Variants in TRPM3 observed in about 807,000 individuals in gnomAD.
TRPM3 encodes the protein transient receptor potential cation channel subfamily M member 3, also known as long transient receptor potential channel 3.
A neutral mutation model predicts 181.2 loss-of-function variants in TRPM3; 77 were observed. The ratio of observed to expected loss-of-function variants is 0.42; its 90% CI spans 0.35 to 0.51. TRPM3 has a LOEUF of 0.51. TRPM3 is among the 20% of genes least tolerant of loss of function. TRPM3 has a pLI of 0.01. For missense variants in TRPM3, 1,759 were observed against 2,196.7 expected, an observed-to-expected ratio of 0.80 and a Z score of 3.98; for synonymous variants, 745 against 796.4, an observed-to-expected ratio of 0.94 and a Z score of 1.09.
intron 1 of TRPM3, among the ~76,000 whole-genome samples, chr9:70,911,948 G>T (rs1341547544): frequency 2.6e-5 from 4 of 152,152 alleles, no homozygotes; most frequent in Non-Finnish European, 5.9e-5. Flanking sequence ...GGCTGGACTT[G>T]ACCTGGATAA....
At chr9:71,057,117 A>AC (rs774043755) in intron 1 of TRPM3, among the ~76,000 whole-genome samples, 1 of 151,656 alleles carries the variant, frequency 6.6e-6, no homozygotes, top group Non-Finnish European at 1.5e-5. Context: ...TCTGCTCATG[A>AC]CCCCCTCGAC....
rs150881495 is a variant in TRPM3 at position 70,890,184 on chromosome 9, T to C, written c.178-25673A>G. On this transcript the variant is annotated intron_variant, in intron 1 of 25. Transcript: ENST00000677713. ...CCCAAGCATGGAAGAAGAGAGACTA[T>C]AACACAGGACATTTTTAAAACAAGA... Among the ~76,000 whole-genome samples, 7 of 151,016 alleles carry C rather than the reference T, an allele frequency of 4.6e-5. No individual in the cohort carries two copies. In the East Asian group the frequency reaches 1.4e-3, roughly 29 times the overall value.
intron 1 of TRPM3, among the ~76,000 whole-genome samples, chr9:71,337,471 G>A (rs2090641066): frequency 6.6e-6 from 1 of 152,174 alleles, no homozygotes; most frequent in Non-Finnish European, 1.5e-5. Context: ...CTTTTACACT[G>A]TTGGTGGGAG....
At position 71,429,138 on chromosome 9, in the gene TRPM3, C is replaced by A. The variant is rs554015085; in HGVS notation, c.183+17515G>T. Among the ~76,000 whole-genome samples, 11 of 152,282 alleles carry A rather than the reference C, an allele frequency of 7.2e-5. No individual in the cohort carries two copies. In the South Asian group the frequency reaches 1.9e-3, roughly 26 times the overall value. ...TGGATCTTCACTGTTCTCCTTAACT[C>A]ATTTCTCCCAACTACCTTTCATATT... On this transcript the variant is annotated intron_variant, in intron 1 of 24. Transcript: ENST00000357533.
chr9:70,977,672 G>A (rs1437492531), intron 1 of TRPM3, among the ~76,000 whole-genome samples: 1 of 152,200 alleles, frequency 6.6e-6, no homozygotes, highest in Non-Finnish European at 1.5e-5. Context: ...GTGACCAGCT[G>A]TAAAGTTGGG....
intron 1 of TRPM3, among the ~76,000 whole-genome samples, chr9:71,408,778 G>A (rs1023652076): frequency 6.6e-5 from 10 of 152,068 alleles, no homozygotes; most frequent in African/African-American, 1.7e-4. Context: ...TCCTCGAGGA[G>A]AGCAACCCCA....
intron 1 of TRPM3, among the ~76,000 whole-genome samples, chr9:71,327,425 G>A (rs1387903662): frequency 6.6e-6 from 1 of 152,140 alleles, no homozygotes; most frequent in Non-Finnish European, 1.5e-5. Flanking sequence ...CCCTTCAGAA[G>A]AGAGGTGGTG....
At chr9:71,127,936 TAGA>T (rs1250103278) in intron 1 of TRPM3, among the ~76,000 whole-genome samples, 1 of 152,206 alleles carries the variant, frequency 6.6e-6, no homozygotes, top group African/African-American at 2.4e-5. Flanking sequence ...GCAGAAACCT[TAGA>T]AGAAGTTCCC....
chr9:71,014,123 T>C (rs1236549979), intron 1 of TRPM3, among the ~76,000 whole-genome samples: 1 of 152,046 alleles, frequency 6.6e-6, no homozygotes, highest in Non-Finnish European at 1.5e-5. Context: ...ATAGTGTTTT[T>C]AACATCATTA....
chr9:70,906,733 T>C (rs561436446), intron 1 of TRPM3, among the ~76,000 whole-genome samples: 67 of 152,214 alleles, frequency 4.4e-4, no homozygotes, highest in African/African-American at 1.5e-3. Flanking sequence ...TGAAACCCAC[T>C]ATCTACTAAA....
At position 71,217,720 on chromosome 9, in the gene TRPM3, G is replaced by A. The variant is rs533365372; in HGVS notation, c.183+228933C>T. Among the ~76,000 whole-genome samples, 8 of 152,278 alleles carry A rather than the reference G, an allele frequency of 5.3e-5. No individual in the cohort carries two copies. The South Asian group carries it at 1.7e-3, about 32-fold the overall frequency. ...CTCTGAGACAGACCATTCTGCTCTGGGGAAAGTGAGGTAATCCACCGGGGA... is the reference window on the plus strand; with the variant it reads ...CTCTGAGACAGACCATTCTGCTCTGAGGAAAGTGAGGTAATCCACCGGGGA... On this transcript the variant is annotated intron_variant, in intron 1 of 24. Transcript: ENST00000357533.
chr9:71,315,978 C>A (rs1158598163), intron 1 of TRPM3, among the ~76,000 whole-genome samples: 1 of 152,142 alleles, frequency 6.6e-6, no homozygotes, highest in Non-Finnish European at 1.5e-5. Flanking sequence ...GCAAGAAACT[C>A]TGGATTTAGA....
intron 22 of TRPM3, 36 bp from the exon 23 acceptor site, chr9:70,553,346 G>T: frequency 6.2e-7 from 1 of 1,602,210 alleles, no homozygotes; most frequent in Non-Finnish European, 8.5e-7. Context: ...ATGAGAAACT[G>T]GCTATTTGAG....
intron 1 of TRPM3, among the ~76,000 whole-genome samples, chr9:71,032,064 ATATTATATT>A (rs2057504747): frequency 3.1e-4 from 3 of 9,764 alleles, no homozygotes; most frequent in African/African-American, 2.1e-3. Context: ...TATATTATAT[ATATTATATT>A]ATATTATATA....
chr9:71,141,226 G>C (rs542968283), intron 1 of TRPM3, among the ~76,000 whole-genome samples: 48 of 152,196 alleles, frequency 3.2e-4, no homozygotes, highest in African/African-American at 1.0e-3. Context: ...CTAAGACTGC[G>C]TAACTTAATT....
At chr9:70,796,935 C>A (rs1246789601) in intron 6 of TRPM3, among the ~76,000 whole-genome samples, 1 of 151,762 alleles carries the variant, frequency 6.6e-6, no homozygotes, top group African/African-American at 2.4e-5. Flanking sequence ...TCAAGACCAG[C>A]CTGGAAAACA....
intron 1 of TRPM3, among the ~76,000 whole-genome samples, chr9:70,997,216 T>C (rs2097548340): frequency 6.6e-6 from 1 of 152,230 alleles, no homozygotes; most frequent in Non-Finnish European, 1.5e-5. Flanking sequence ...TTTTGTTTTT[T>C]GAGATGGAGT....
chr9:71,398,174 C>T (rs1216953085), intron 1 of TRPM3, among the ~76,000 whole-genome samples: 1 of 152,044 alleles, frequency 6.6e-6, no homozygotes, highest in Non-Finnish European at 1.5e-5. Context: ...TGTTAGTTAC[C>T]CTTTATAAGT....
chr9:71,332,561 G>A (rs2090282641), intron 1 of TRPM3, among the ~76,000 whole-genome samples: 1 of 148,004 alleles, frequency 6.8e-6, no homozygotes, highest in Non-Finnish European at 1.5e-5. Context: ...CTACTCTGAT[G>A]AACCAAAAAA....
Sources: gnomAD v4.1 joint callset for allele counts (sites outside exome capture counted in the v4.1 genomes callset) on GRCh38, gnomAD v4.1.1 for gene constraint, MANE v1.5 for transcripts, NCBI Gene and HGNC (gene_info 2026-07-23, HGNC 2026-07-21) for gene names.